ARHGAP36: variants seen among roughly 807,000 people sequenced by gnomAD.
ARHGAP36 encodes the protein Rho GTPase activating protein 36, also known as rho GTPase-activating protein 36.
Under a neutral mutation model 32.9 loss-of-function variants are expected in ARHGAP36, and 7 were observed. That is an observed-to-expected ratio of 0.21 (90% confidence interval 0.12 to 0.40). ARHGAP36 has a LOEUF of 0.40. Among genes scored for constraint, ARHGAP36 ranks in the 10% least tolerant of loss-of-function variants. ARHGAP36 has a pLI of 1.00. For synonymous variants in ARHGAP36, 165 were observed against 168.3 expected, an observed-to-expected ratio of 0.98 and a Z score of 0.15; for missense variants, 383 against 442.2, an observed-to-expected ratio of 0.87 and a Z score of 1.20.
Position 131,088,653 on chromosome X carries a change from T to C in ARHGAP36, c.1512T>C (p.Pro504=). The C allele has an allele frequency of 8.3e-7, 1 of 1,210,508 alleles. No homozygotes were observed. The change falls in exon 12 of 12, where the codon CCT becomes CCC. Residue 504 remains proline, a synonymous_variant. Transcript: ENST00000276211. ...GTTCCTCTGAGGAGCCAGCTGTGCC[T>C]TCCGGCACTGCCCGTTCCCATGACG... ...DEGSSEEPAV[P]SGTARSHDDE... is the part of the protein sequence containing the mutation.
intron 11 of ARHGAP36, among the ~76,000 whole-genome samples, chrX:131,087,263 C>T (rs2079840398): frequency 8.9e-6 from 1 of 111,845 alleles, no homozygotes; most frequent in Non-Finnish European, 1.9e-5. Flanking sequence ...GAAGAAGATC[C>T]CAGTCTTGAA....
rs778733968 is a variant in ARHGAP36, at chrX:131,088,720, C to T, written c.1579C>T (p.Arg527Cys). 1.7e-6 allele frequency: 2 copies of T among 1,211,620 alleles called. No homozygotes were observed. Among genetic ancestry groups the T allele is most frequent in the Non-Finnish European group, 2.2e-6 (2 of 895,370 alleles). Residue 527 changes from arginine to cysteine, a missense_variant, in exon 12 of 12, where the codon CGC (arginine) becomes TGC (cysteine). By Grantham distance (180) the Arg-to-Cys change is radical. Transcript: ENST00000276211. ...AGNPPIPEQD[R>C]PLLRVPREKE... is the part of the protein sequence containing the mutation. ...TAACCCTCCCATTCCGGAGCAAGAC[C>T]GCCCATTGCTCCGTGTGCCCCGGGA...
intron 1 of ARHGAP36, among the ~76,000 whole-genome samples, chrX:131,070,244 C>A (rs954966027): frequency 1.8e-5 from 2 of 112,501 alleles, no homozygotes; most frequent in South Asian, 3.7e-4. Flanking sequence ...AAGAAGAAAG[C>A]CTCTTTCCTG....
intron 1 of ARHGAP36, among the ~76,000 whole-genome samples, chrX:131,072,061 G>C (rs1394774604): frequency 8.9e-6 from 1 of 111,939 alleles, no homozygotes; most frequent in Non-Finnish European, 1.9e-5. Context: ...GTTTAGAAGA[G>C]AGTATTTTTG....
chrX:131,077,771 A>G (rs1413273828), intron 1 of ARHGAP36, among the ~76,000 whole-genome samples: 1 of 5,554 alleles, frequency 1.8e-4, no homozygotes, highest in East Asian at 2.8e-3. Context: ...AATCATATAT[A>G]TATATATATA....
Position 131,085,907 on chromosome X carries a change from G to A in ARHGAP36, c.1105-6G>A, listed in dbSNP as rs1413167245. ...CGTCAATCACTTTCTGCTTTCCTTT[G>A]CCTAGGTCCCAGGCAACCGTATGAC... is the stretch of plus-strand genomic sequence containing the variant. On this transcript the variant is annotated splice_region_variant and splice_polypyrimidine_tract_variant and intron_variant, in intron 8 of 11. Transcript: ENST00000276211. 3.3e-6 allele frequency: 4 copies of A among 1,208,624 alleles called. No homozygotes were observed. The Admixed American group carries it at 8.7e-5, about 26-fold the overall frequency.
intron 1 of ARHGAP36, among the ~76,000 whole-genome samples, chrX:131,076,125 TG>T (rs1312608589): frequency 4.5e-5 from 5 of 112,114 alleles, no homozygotes; most frequent in African/African-American, 6.5e-5. Flanking sequence ...GAACATCTAT[TG>T]TGTGCTAGGG....
At chrX:131,066,340 C>G (rs2079698766) in intron 1 of ARHGAP36, among the ~76,000 whole-genome samples, 1 of 111,517 alleles carries the variant, frequency 9.0e-6, no homozygotes, top group Admixed American at 9.5e-5. Flanking sequence ...GTTACTCCAC[C>G]CTGATTCTTC....
chrX:131,087,818 A>G (rs1490432250), intron 11 of ARHGAP36, among the ~76,000 whole-genome samples: 1 of 112,108 alleles, frequency 8.9e-6, no homozygotes, highest in Non-Finnish European at 1.9e-5. Flanking sequence ...AGAAAGCCCT[A>G]GTCTTGAAGA....
At chrX:131,070,555 C>T (rs754847374) in intron 1 of ARHGAP36, among the ~76,000 whole-genome samples, 5 of 111,633 alleles carry the variant, frequency 4.5e-5, no homozygotes, top group Non-Finnish European at 7.5e-5. Context: ...GGTTCCAATC[C>T]TGACTCTGCT....
At position 131,069,135 on chromosome X, in the gene ARHGAP36, C is replaced by A. The variant is rs769289506; in HGVS notation, c.-143+10691C>A. Among the ~76,000 whole-genome samples the A allele has an allele frequency of 4.7e-3, 523 of 112,033 alleles. 3 individuals carry two copies. Among genetic ancestry groups the A allele is most frequent in the African/African-American group, 0.016 (493 of 30,852 alleles). ...CACTTCTGGTTCTGGCCGCACAGCC[C>A]CTGTGAGAATCTCTGAGGTGCCCTC... On this transcript the variant is annotated intron_variant, in intron 1 of 11. Coordinates refer to ENST00000276211, the MANE Select transcript of ARHGAP36 (RefSeq NM_144967.4).
intron 1 of ARHGAP36, among the ~76,000 whole-genome samples, chrX:131,075,539 C>CAT (rs2079757116): frequency 9.5e-6 from 1 of 104,872 alleles, no homozygotes; most frequent in Non-Finnish European, 1.9e-5. Flanking sequence ...TTTCCAAAAA[C>CAT]ATATATATAC....
chrX:131,076,246 C>A (rs1239634754), intron 1 of ARHGAP36, among the ~76,000 whole-genome samples: 1 of 112,157 alleles, frequency 8.9e-6, no homozygotes, highest in African/African-American at 3.2e-5. Flanking sequence ...TTTTTAACTT[C>A]TTCCACCACA....
chrX:131,086,234 G>A (rs906056490), intron 9 of ARHGAP36, 95 bp from the exon 10 acceptor site: 8 of 1,099,868 alleles, frequency 7.3e-6, no homozygotes, highest in Middle Eastern at 2.5e-4. Flanking sequence ...ACATTAGCTG[G>A]CCCTGGTACC....
chrX:131,083,935 C>A lies in ARHGAP36; in HGVS notation c.521C>A (p.Thr174Asn). Reference sequence around the variant, plus strand: ...TTCAGTCGCAGGCGGAATGAGCCCACCTTGCCCCGGGAGTTCACTCGCCGT... The same window carrying A: ...TTCAGTCGCAGGCGGAATGAGCCCAACTTGCCCCGGGAGTTCACTCGCCGT... ...RFFSRRRNEP[T>N]LPREFTRRGR... is the part of the protein sequence containing the mutation. The change falls in exon 4 of 12, where the codon ACC (threonine) becomes AAC (asparagine). Residue 174 changes from threonine to asparagine, a missense_variant. Transcript: ENST00000276211. The A allele has an allele frequency of 8.3e-7, 1 of 1,211,811 alleles. No individual in the cohort carries two copies. The highest frequency in any genetic ancestry group is 2.2e-5 in the Admixed American group (1 of 46,132).
rs1057296329 is a variant in ARHGAP36 at position 131,083,896 on chromosome X, G to A, written c.482G>A (p.Arg161His). 3 of 1,212,060 alleles carry A rather than the reference G, an allele frequency of 2.5e-6. No homozygotes were observed. Among genetic ancestry groups the A allele is most frequent in the South Asian group, 3.5e-5 (2 of 56,987 alleles). The change falls in exon 4 of 12, where the codon CGC becomes CAC. Residue 161 changes from arginine to histidine, a missense_variant. Transcript: ENST00000276211. Reference protein sequence around the residue: ...RGNVVRRVFGRIRRFFSRRRN... With the variant: ...RGNVVRRVFGHIRRFFSRRRN... ...AACGTGGTGCGAAGGGTGTTTGGCC[G>A]CATCCGGCGCTTTTTCAGTCGCAGG...
intron 11 of ARHGAP36, among the ~76,000 whole-genome samples, chrX:131,088,270 T>A (rs971179235): frequency 2.7e-5 from 3 of 112,444 alleles, no homozygotes; most frequent in Non-Finnish European, 5.6e-5. Context: ...TGTTACTCAT[T>A]TGCTTGGTAA....
chrX:131,088,941 C>T lies in ARHGAP36; in HGVS notation c.*156C>T, dbSNP rs1025717931. On this transcript the variant is annotated 3_prime_UTR_variant, in exon 12 of 12. Transcript: ENST00000276211. ...GGTCAGGATGAGAATTCCAAACACA[C>T]TGCCAGCCCCTTCACTGGGGATGCT... 24 of 751,464 alleles carry T rather than the reference C, an allele frequency of 3.2e-5. No individual in the cohort carries two copies. In the African/African-American group the frequency reaches 4.3e-4, roughly 13 times the overall value. 61.9% of individuals were successfully genotyped at this position (751,464 alleles called of 1,213,427 possible).
rs1043294016 is a variant in ARHGAP36 at position 131,088,759 on chromosome X, A to G, written c.1618A>G (p.Thr540Ala). 9.9e-6 allele frequency: 12 copies of G among 1,207,803 alleles called. No homozygotes were observed. The highest frequency in any genetic ancestry group is 1.3e-5 in the Non-Finnish European group (12 of 894,497). ...LRVPREKEAKTGVSYFFP is the reference protein window; with the variant it reads ...LRVPREKEAKAGVSYFFP ...TGTGCCCCGGGAGAAGGAGGCCAAA[A>G]CTGGCGTCAGCTACTTCTTTCCTTA... The change falls in exon 12 of 12, where the codon ACT becomes GCT. Residue 540 changes from threonine (T) to alanine (A), a missense_variant. Transcript: ENST00000276211.
Sources: allele counts gnomAD v4.1 joint callset (sites outside exome capture counted in the v4.1 genomes callset), GRCh38; gene constraint gnomAD v4.1.1; transcripts MANE v1.5; gene names NCBI Gene and HGNC (gene_info 2026-07-23, HGNC 2026-07-21).